The following NRDC variants were observed in gnomAD, a reference collection of about 807,000 sequenced individuals.
The protein encoded by NRDC is nardilysin.
Under a neutral mutation model 147.1 loss-of-function variants are expected in NRDC, and 54 were observed. That is an observed-to-expected ratio of 0.37 (90% CI 0.29 to 0.46). NRDC has a LOEUF of 0.46. NRDC is among the 20% of genes least tolerant of loss of function. NRDC has a pLI of 1.00. For synonymous variants in NRDC, 440 were observed against 482.1 expected (o/e 0.91, Z 1.14); for missense variants, 1,082 against 1,370.6 (o/e 0.79, Z 3.33).
chr1:51,843,380 T>G (rs1681369984), intron 1 of NRDC, among the ~76,000 whole-genome samples: 2 of 151,624 alleles, frequency 1.3e-5, no homozygotes, highest in Non-Finnish European at 2.9e-5. Context: ...CAAATACAAC[T>G]TTACACCTGT....
intron 1 of NRDC, among the ~76,000 whole-genome samples, chr1:51,858,282 C>T (rs1398264190): frequency 6.6e-6 from 1 of 152,042 alleles, no homozygotes; most frequent in Non-Finnish European, 1.5e-5. Flanking sequence ...CAGTTCAAGA[C>T]AAGCCTATGC....
At chr1:51,803,690 G>T in intron 20 of NRDC, 124 bp downstream of exon 20, 1 of 712,986 alleles carries the variant, frequency 1.4e-6, no homozygotes, top group Non-Finnish European at 2.2e-6. Context: ...CATCAGCCAA[G>T]AATATTCAAG....
rs535296553 is a variant in NRDC, at chr1:51,819,217, G to A, written c.1291+583C>T. ...CTCAGCAGGCTGAGGCAGGAGAATC[G>A]CTTGAACCTGGGAGGCGAAGCAGTG... is the stretch of plus-strand genomic sequence containing the variant. On this transcript the variant is annotated intron_variant, in intron 9 of 30. Transcript: ENST00000352171. 1.7e-4 allele frequency among the ~76,000 whole-genome samples: 26 copies of A among 151,586 alleles called. No individual in the cohort carries two copies. In the South Asian group the frequency reaches 4.6e-3, roughly 27 times the overall value.
chr1:51,868,749 G>A (rs1682942013), intron 1 of NRDC, among the ~76,000 whole-genome samples: 1 of 152,026 alleles, frequency 6.6e-6, no homozygotes, highest in Admixed American at 6.6e-5. Context: ...GTGCGTGCCT[G>A]TCGTCCCAGC....
At chr1:51,795,033 T>A in intron 22 of NRDC, 179 bp from the exon 23 acceptor site, 1 of 1,471,410 alleles carries the variant, frequency 6.8e-7, no homozygotes, top group Non-Finnish European at 9.0e-7. Flanking sequence ...TGATTGTGTT[T>A]GTGGAACACT....
rs1680442327 is a variant in NRDC at position 51,826,308 on chromosome 1, C to A, written c.941-926G>T. On this transcript the variant is annotated intron_variant, in intron 5 of 30. Transcript: ENST00000352171. ...AAAATAAATGTTTTATTTTAAGCCA[C>A]CATGTTTCTGCAATAACAGGTAATA... Among the ~76,000 whole-genome samples the A allele has an allele frequency of 2.0e-5, 3 of 152,120 alleles. No homozygotes were observed. In the South Asian group the frequency reaches 6.2e-4, roughly 32 times the overall value.
intron 26 of NRDC, 29 bp downstream of exon 26, chr1:51,792,017 G>T: frequency 1.2e-6 from 2 of 1,613,318 alleles, no homozygotes; most frequent in Non-Finnish European, 1.7e-6. Flanking sequence ...GCCCTTATTT[G>T]AGCTCAGTGG....
At chr1:51,812,143 AT>A (rs762195664) in intron 14 of NRDC, 45 bp from the exon 15 acceptor site, 4 of 1,323,370 alleles carry the variant, frequency 3.0e-6, no homozygotes, top group Non-Finnish European at 4.4e-6. Context: ...CTCCATTATT[AT>A]ATTTGATTTA....
chr1:51,802,529 C>T (rs1448275230), intron 20 of NRDC, among the ~76,000 whole-genome samples: 2 of 152,184 alleles, frequency 1.3e-5, no homozygotes, highest in Non-Finnish European at 2.9e-5. Context: ...CTTTAATCTG[C>T]TTGAAACTTA....
chr1:51,857,338 T>A (rs1194696907), intron 1 of NRDC, among the ~76,000 whole-genome samples: 1 of 152,216 alleles, frequency 6.6e-6, no homozygotes, highest in African/African-American at 2.4e-5. Context: ...TTTCTGTACA[T>A]CACTTTCCTT....
Position 51,791,022 on chromosome 1 carries a change from A to T in NRDC, c.2961-32T>A. 2.0e-6 allele frequency: 3 copies of T among 1,468,710 alleles called. No homozygotes were observed. The East Asian group carries it at 6.8e-5, about 33-fold the overall frequency. 91.0% of individuals were successfully genotyped at this position (1,468,710 alleles called of 1,614,324 possible). ...CAAAACATCTTCAATCAGAACTAAA[A>T]CAAAACATCTTCAATTAAGTCATCA... On this transcript the variant is annotated intron_variant, in intron 27 of 30. Transcript: ENST00000352171.
At chr1:51,814,470 C>CTA in intron 13 of NRDC, 81 bp downstream of exon 13, 1 of 1,378,344 alleles carries the variant, frequency 7.3e-7, no homozygotes, top group Non-Finnish European at 1.0e-6. Flanking sequence ...CAAGGCAAGA[C>CTA]TAAAGCATGT....
chr1:51,849,441 C>A (rs569253852), intron 1 of NRDC, among the ~76,000 whole-genome samples: 122 of 151,598 alleles, frequency 8.0e-4, no homozygotes, highest in African/African-American at 2.4e-3. Flanking sequence ...ACAAAAAAAA[C>A]CCAACAAGAT....
chr1:51,799,680 T>C (rs548733908), intron 21 of NRDC, among the ~76,000 whole-genome samples: 23 of 152,148 alleles, frequency 1.5e-4, no homozygotes, highest in Non-Finnish European at 3.1e-4. Flanking sequence ...TAATAGAGGG[T>C]ACCTCAGAAG....
chr1:51,816,309 T>C lies in NRDC; in HGVS notation c.1439+3A>G, dbSNP rs746405299. Reference sequence around the variant, plus strand: ...TGAAAATACTTATTAATTGAATACTTGCTTTTTCCTAAGGAAAGAAAGAAT... The same window carrying C: ...TGAAAATACTTATTAATTGAATACTCGCTTTTTCCTAAGGAAAGAAAGAAT... On this transcript the variant is annotated splice_donor_region_variant and intron_variant, in intron 11 of 30. Coordinates refer to ENST00000352171, the MANE Select transcript of NRDC (RefSeq NM_001101662.2). 1.3e-6 allele frequency: 2 copies of C among 1,581,830 alleles called. No individual in the cohort carries two copies. The highest frequency in any genetic ancestry group is 1.7e-6 in the Non-Finnish European group (2 of 1,161,882).
At chr1:51,811,294 T>C (rs1039726785) in intron 15 of NRDC, among the ~76,000 whole-genome samples, 3 of 152,148 alleles carry the variant, frequency 2.0e-5, no homozygotes, top group Admixed American at 2.0e-4. Flanking sequence ...ACATCTTGTG[T>C]CAAATAACTA....
intron 1 of NRDC, among the ~76,000 whole-genome samples, chr1:51,841,322 C>A (rs1488688708): frequency 6.6e-6 from 1 of 151,372 alleles, no homozygotes; most frequent in Admixed American, 6.6e-5. Context: ...TTTCCTTTTT[C>A]TTTGAGACAA....
chr1:51,871,893 GAC>G (rs1427168140), intron 1 of NRDC, among the ~76,000 whole-genome samples: 1 of 151,994 alleles, frequency 6.6e-6, no homozygotes, highest in Non-Finnish European at 1.5e-5. Context: ...TTCTTTTTGA[GAC>G]AGTCTGGTTC....
chr1:51,840,907 A>C (rs1301004621), intron 1 of NRDC, among the ~76,000 whole-genome samples: 1 of 152,216 alleles, frequency 6.6e-6, no homozygotes, highest in Admixed American at 6.5e-5. Flanking sequence ...GGCTAAGATA[A>C]ATTGTATCCC....
Sources: gnomAD v4.1 joint callset for allele counts (sites outside exome capture counted in the v4.1 genomes callset) on GRCh38, gnomAD v4.1.1 for gene constraint, MANE v1.5 for transcripts, NCBI Gene and HGNC (gene_info 2026-07-23, HGNC 2026-07-21) for gene names.